CDK13: variants seen among roughly 807,000 people sequenced by gnomAD.
The protein encoded by CDK13 is cyclin dependent kinase 13, also known as cyclin-dependent kinase 13.
A neutral mutation model predicts 137.6 loss-of-function variants in CDK13; 40 were observed. The observed-to-expected ratio is 0.29, with a 90% CI of 0.23 to 0.38. CDK13 has a LOEUF of 0.38. Ranked by LOEUF, CDK13 falls within the 10% of genes least tolerant of loss-of-function variation. The pLI, the probability that CDK13 is intolerant of heterozygous loss-of-function variation, is 1.00. For missense variants in CDK13, 1,704 were observed against 1,951.8 expected, an observed-to-expected ratio of 0.87 and a Z score of 2.39; for synonymous variants, 869 against 760.1, an observed-to-expected ratio of 1.14 and a Z score of -2.36.
At chr7:40,048,527 C>T (rs1056461596) in intron 7 of CDK13, 2 of 151,888 alleles carry the variant, frequency 1.3e-5, no homozygotes, top group African/African-American at 4.8e-5. Flanking sequence ...AATCTTTAGT[C>T]CATTTACCCC....
At chr7:40,041,753 A>C (rs1785611002) in intron 5 of CDK13, among the ~76,000 whole-genome samples, 1 of 148,224 alleles carries the variant, frequency 6.7e-6, no homozygotes, top group African/African-American at 2.7e-5. Context: ...GTACATTTCC[A>C]CATCAATAAT....
chr7:39,981,787 A>G (rs1417625369), intron 1 of CDK13, among the ~76,000 whole-genome samples: 2 of 150,154 alleles, frequency 1.3e-5, no homozygotes, highest in East Asian at 3.9e-4. Flanking sequence ...TAGCTTCCAA[A>G]ATATCTTTTT....
At chr7:39,963,334 C>T (rs959084244) in intron 1 of CDK13, among the ~76,000 whole-genome samples, 4 of 152,142 alleles carry the variant, frequency 2.6e-5, no homozygotes, top group African/African-American at 7.2e-5. Context: ...TGAAGAGGTC[C>T]TTCACATCCC....
chr7:40,002,518 A>C (rs1435273641), intron 5 of CDK13, among the ~76,000 whole-genome samples: 1 of 152,178 alleles, frequency 6.6e-6, no homozygotes, highest in Non-Finnish European at 1.5e-5. Context: ...AGAAGCTGAC[A>C]AAAAATTAGC....
rs545848060 is a variant in CDK13 at position 40,070,584 on chromosome 7, C to T, written c.2781-7421C>T. 4.0e-5 allele frequency: 6 copies of T among 151,620 alleles called. No individual in the cohort carries two copies. The East Asian group carries it at 1.2e-3, about 30-fold the overall frequency. 9.4% of individuals were successfully genotyped at this position (151,620 alleles called of 1,614,324 possible). On this transcript the variant is annotated intron_variant, in intron 9 of 13. Coordinates refer to ENST00000181839, the MANE Select transcript of CDK13 (RefSeq NM_003718.5). Reference sequence around the variant, plus strand: ...CAGAATTAGCGGGCGTGGTAGCTAGCACCTGTAATCCCAGCCGCTGGGAAG... The same window carrying T: ...CAGAATTAGCGGGCGTGGTAGCTAGTACCTGTAATCCCAGCCGCTGGGAAG...
Position 40,078,020 on chromosome 7 carries a change from T to C in CDK13, c.2796T>C (p.Ser932=). The C allele has an allele frequency of 6.4e-7, 1 of 1,562,246 alleles. No individual in the cohort carries two copies. Among genetic ancestry groups the C allele is most frequent in the Non-Finnish European group, 8.6e-7 (1 of 1,156,544 alleles). Residue 932 remains serine (S), a synonymous_variant, in exon 10 of 14, where the codon AGT becomes AGC. Transcript: ENST00000181839. ...TGTTGCTTAGCCGAATATGTGGGAG[T>C]CCATGTCCTGCAGTGTGGCCTGATG... ...QLELISRICG[S]PCPAVWPDVI... is the part of the protein sequence containing the mutation.
intron 1 of CDK13, chr7:39,952,207 T>C (rs764074609): frequency 5.6e-5 from 11 of 196,056 alleles, no homozygotes; most frequent in Non-Finnish European, 9.2e-5. Flanking sequence ...GTTTAAGTCT[T>C]AATTTTGAAA....
intron 2 of CDK13, among the ~76,000 whole-genome samples, chr7:39,996,651 TTTTA>T (rs1226202788): frequency 6.6e-6 from 1 of 152,178 alleles, no homozygotes; most frequent in Non-Finnish European, 1.5e-5. Context: ...ATGTGCTTTC[TTTTA>T]TTTCTTACGG....
Position 39,980,427 on chromosome 7 carries a change from T to C in CDK13, c.1212-7172T>C, listed in dbSNP as rs11981251. Among the ~76,000 whole-genome samples the C allele has an allele frequency of 5.3e-5, 8 of 152,350 alleles. No homozygotes were observed. The South Asian group carries it at 8.3e-4, about 16-fold the overall frequency. ...GAGGCTACCACAGTGCTGTTACATA[T>C]AGTTAATAGAGCTGTTATAATAACG... On this transcript the variant is annotated intron_variant, in intron 1 of 13. Transcript: ENST00000181839.
At chr7:40,071,435 G>T (rs1397298572) in intron 9 of CDK13, 1 of 152,118 alleles carries the variant, frequency 6.6e-6, no homozygotes, top group Non-Finnish European at 1.5e-5. Flanking sequence ...GTTTTCAATA[G>T]CCTTTTTGGA....
chr7:40,032,276 G>T (rs1562739528), intron 5 of CDK13, among the ~76,000 whole-genome samples: 1 of 152,178 alleles, frequency 6.6e-6, no homozygotes, highest in Non-Finnish European at 1.5e-5. Flanking sequence ...TTGCCACGTT[G>T]CCCAGACTGG....
At chr7:40,005,896 A>C (rs561138241) in intron 5 of CDK13, among the ~76,000 whole-genome samples, 277 of 151,980 alleles carry the variant, frequency 1.8e-3, no homozygotes, top group African/African-American at 6.5e-3. Context: ...TAATTTTTTA[A>C]AAAGTGATTT....
rs771169130 is a variant in CDK13 at position 39,951,734 on chromosome 7, C to T, written c.1093C>T (p.Arg365Cys). The T allele has an allele frequency of 2.0e-6, 3 of 1,486,682 alleles. No individual in the cohort carries two copies. Among genetic ancestry groups the T allele is most frequent in the African/African-American group, 1.4e-5 (1 of 69,066 alleles). The allele number at this position is 1,486,682 out of a possible 1,614,324, so 92.1% of individuals were successfully genotyped here. A position where few individuals can be genotyped will look rare whatever the true frequency, so the allele number is the denominator to read the frequency against. Residue 365 changes from arginine (R) to cysteine (C), a missense_variant, in exon 1 of 14, where the codon CGC becomes TGC. Coordinates refer to ENST00000181839, the MANE Select transcript of CDK13 (RefSeq NM_003718.5). ...LPRSPSPYSR[R>C]RSPSYSRHSS... is the part of the protein sequence containing the mutation. Reference sequence around the variant, plus strand: ...GCGCTCCCCGAGCCCCTACAGTCGCCGCCGCTCCCCCAGCTACAGCCGCCA... The same window carrying T: ...GCGCTCCCCGAGCCCCTACAGTCGCTGCCGCTCCCCCAGCTACAGCCGCCA...
intron 12 of CDK13, among the ~76,000 whole-genome samples, chr7:40,089,123 C>T (rs566137705): frequency 1.0e-4 from 15 of 150,226 alleles, no homozygotes; most frequent in Non-Finnish European, 1.5e-4. Context: ...GATATTTGTG[C>T]CCAAAATAAC....
chr7:39,950,266 T>C lies in CDK13; in HGVS notation c.-376T>C. Reference sequence around the variant, plus strand: ...GGCGACGAAGGTGGTACTTCCGCGTTGCGCTGCCCGAGCCGAGAGCGCGGC... The same window carrying C: ...GGCGACGAAGGTGGTACTTCCGCGTCGCGCTGCCCGAGCCGAGAGCGCGGC... On this transcript the variant is annotated 5_prime_UTR_variant, in exon 1 of 14. Transcript: ENST00000181839. The C allele has an allele frequency of 9.6e-7, 1 of 1,044,650 alleles. No individual in the cohort carries two copies. Among genetic ancestry groups the C allele is most frequent in the Non-Finnish European group, 1.2e-6 (1 of 868,834 alleles). The allele number at this position is 1,044,650 out of a possible 1,614,324, so 64.7% of individuals were successfully genotyped here. A position where few individuals can be genotyped will look rare whatever the true frequency, so the allele number is the denominator to read the frequency against.
chr7:40,082,104 T>C (rs751581353), intron 11 of CDK13, among the ~76,000 whole-genome samples: 25 of 152,316 alleles, frequency 1.6e-4, no homozygotes, highest in Admixed American at 1.1e-3. Flanking sequence ...TGCTTGTAAA[T>C]TAGCATTTGA....
At chr7:40,084,796 A>C (rs1459967855) in intron 11 of CDK13, among the ~76,000 whole-genome samples, 1 of 152,300 alleles carries the variant, frequency 6.6e-6, no homozygotes, top group East Asian at 1.9e-4. Context: ...ATACAGTACT[A>C]CCCCATGAGG....
intron 6 of CDK13, among the ~76,000 whole-genome samples, chr7:40,047,239 A>G (rs1785765752): frequency 6.6e-6 from 1 of 152,176 alleles, no homozygotes; most frequent in African/African-American, 2.4e-5. Context: ...ACACATTCAC[A>G]TATTTAAAAC....
intron 5 of CDK13, among the ~76,000 whole-genome samples, chr7:40,010,752 A>G (rs1031372221): frequency 6.6e-6 from 1 of 152,230 alleles, no homozygotes; most frequent in Non-Finnish European, 1.5e-5. Flanking sequence ...GGTTCCTAAC[A>G]GGCCACAGGC....
Sources: gnomAD v4.1 joint callset for allele counts (sites outside exome capture counted in the v4.1 genomes callset) on GRCh38, gnomAD v4.1.1 for gene constraint, MANE v1.5 for transcripts, NCBI Gene and HGNC (gene_info 2026-07-23, HGNC 2026-07-21) for gene names.